PTPN13: variants seen among roughly 807,000 people sequenced by gnomAD.
The protein encoded by PTPN13 is protein tyrosine phosphatase non-receptor type 13, also known as tyrosine-protein phosphatase non-receptor type 13.
A neutral mutation model predicts 284.0 loss-of-function variants in PTPN13; 191 were observed. The ratio of observed to expected loss-of-function variants is 0.67; its 90% CI spans 0.60 to 0.76. The LOEUF (loss-of-function observed/expected upper bound fraction) is 0.76, where lower values mean the gene tolerates loss of function less well. Ranked by LOEUF, PTPN13 falls within the 30% of genes least tolerant of loss-of-function variation. The pLI is 0.00. For synonymous variants in PTPN13, 986 were observed against 1,022.3 expected (o/e 0.96, Z 0.68); for missense variants, 2,797 against 2,939.9 (o/e 0.95, Z 1.12).
chr4:86,774,454 G>A lies in PTPN13; in HGVS notation c.5431G>A (p.Gly1811Ser), dbSNP rs555652447. Residue 1811 changes from glycine (G) to serine (S), a missense_variant, in exon 33 of 48, where the codon GGT becomes AGT. Coordinates refer to ENST00000411767, the MANE Select transcript of PTPN13 (RefSeq NM_080683.3). The part of the protein sequence containing the change: ...FTVTKGNQRI[G>S]CYVHDVIQDP... ...AGTAACCAAAGGCAATCAGAGAATT[G>A]GTTGTTATGTTCATGATGTCATACA... 2 of 1,605,376 alleles carry A rather than the reference G, an allele frequency of 1.2e-6. No homozygotes were observed. Among genetic ancestry groups the A allele is most frequent in the African/African-American group, 2.7e-5 (2 of 74,934 alleles).
At chr4:86,613,258 T>G (rs1181052610) in intron 1 of PTPN13, among the ~76,000 whole-genome samples, 2 of 152,224 alleles carry the variant, frequency 1.3e-5, no homozygotes, top group African/African-American at 2.4e-5. Flanking sequence ...AAATTCCAGA[T>G]TCCCATAAGG....
At chr4:86,778,458 G>A (rs543076412) in intron 35 of PTPN13, among the ~76,000 whole-genome samples, 3 of 149,840 alleles carry the variant, frequency 2.0e-5, no homozygotes, top group Non-Finnish European at 4.4e-5. Flanking sequence ...ACCTCCCCCC[G>A]CCCACCCAGG....
At chr4:86,694,980 A>G (rs1263043079) in intron 6 of PTPN13, among the ~76,000 whole-genome samples, 2 of 152,176 alleles carry the variant, frequency 1.3e-5, no homozygotes, top group African/African-American at 4.8e-5. Context: ...AATTGTGAAA[A>G]ATAAATGTAG....
chr4:86,742,960 T>C (rs959117286), intron 16 of PTPN13, among the ~76,000 whole-genome samples: 2 of 152,228 alleles, frequency 1.3e-5, no homozygotes, highest in Non-Finnish European at 2.9e-5. Flanking sequence ...GAATAGAGAA[T>C]AGTTTGCATT....
Position 86,758,715 on chromosome 4 carries a change from G to A in PTPN13, c.3351G>A (p.Leu1117=), listed in dbSNP as rs1337993788. The part of the protein sequence containing the change: ...QIIGGEKMGR[L]DLGIFISSVA... ...TTGGTGGGGAGAAGATGGGAAGACT[G>A]GACCTAGGCATATTTATCAGTTCAG... The change falls in exon 22 of 48, where the codon CTG becomes CTA. Residue 1117 remains leucine (L), a synonymous_variant. Transcript: ENST00000411767. 2 of 1,613,768 alleles carry A rather than the reference G, an allele frequency of 1.2e-6. No individual in the cohort carries two copies. Among genetic ancestry groups the A allele is most frequent in the Admixed American group, 3.3e-5 (2 of 60,002 alleles).
At chr4:86,808,214 T>A (rs1196567377) in intron 45 of PTPN13, among the ~76,000 whole-genome samples, 5 of 152,226 alleles carry the variant, frequency 3.3e-5, no homozygotes, top group African/African-American at 1.2e-4. Context: ...GAAACTTGTG[T>A]TTTTATGGTC....
At chr4:86,740,069 G>A (rs1735995981) in intron 15 of PTPN13, among the ~76,000 whole-genome samples, 1 of 152,172 alleles carries the variant, frequency 6.6e-6, no homozygotes, top group Non-Finnish European at 1.5e-5. Flanking sequence ...TCATGGGCTG[G>A]TGTTGAGTAT....
At chr4:86,780,974 G>A (rs955074026) in intron 36 of PTPN13, among the ~76,000 whole-genome samples, 8 of 152,130 alleles carry the variant, frequency 5.3e-5, no homozygotes, top group Non-Finnish European at 7.4e-5. Context: ...AAGCATTTAG[G>A]GGAACAGGAG....
chr4:86,651,873 T>C (rs1193314815), intron 2 of PTPN13, among the ~76,000 whole-genome samples: 2 of 152,182 alleles, frequency 1.3e-5, no homozygotes, highest in African/African-American at 4.8e-5. Flanking sequence ...TTGTCTCTTT[T>C]TTTCTTACCT....
At chr4:86,767,363 G>C (rs913233655) in intron 27 of PTPN13, among the ~76,000 whole-genome samples, 2 of 151,120 alleles carry the variant, frequency 1.3e-5, no homozygotes, top group Non-Finnish European at 2.9e-5. Flanking sequence ...CTCCTGCCTC[G>C]GCCTGTCAAG....
intron 3 of PTPN13, among the ~76,000 whole-genome samples, chr4:86,682,986 T>A (rs1405517625): frequency 6.6e-6 from 1 of 152,232 alleles, no homozygotes; most frequent in Admixed American, 6.5e-5. Flanking sequence ...AATGTATTTT[T>A]AATTATGATT....
chr4:86,776,024 C>G (rs1433321809), intron 35 of PTPN13, among the ~76,000 whole-genome samples: 1 of 152,200 alleles, frequency 6.6e-6, no homozygotes, highest in Admixed American at 6.5e-5. Context: ...TGGCTCACTG[C>G]AACCTCCGCC....
chr4:86,720,560 A>G (rs1733539796), intron 9 of PTPN13, among the ~76,000 whole-genome samples: 3 of 152,274 alleles, frequency 2.0e-5, no homozygotes, highest in East Asian at 1.9e-4. Context: ...AACTAGTTCC[A>G]TCTTTTTTCT....
intron 40 of PTPN13, among the ~76,000 whole-genome samples, chr4:86,792,976 A>C (rs770038354): frequency 6.6e-6 from 1 of 152,238 alleles, no homozygotes; most frequent in East Asian, 1.9e-4. Context: ...ACGAGCTAAC[A>C]TCATAATGAC....
At chr4:86,625,213 C>G (rs1442880111) in intron 1 of PTPN13, among the ~76,000 whole-genome samples, 1 of 152,094 alleles carries the variant, frequency 6.6e-6, no homozygotes, top group African/African-American at 2.4e-5. Flanking sequence ...TGGTATTTAC[C>G]ACTTAGCTTC....
intron 1 of PTPN13, among the ~76,000 whole-genome samples, chr4:86,611,370 G>C (rs1296089476): frequency 1.3e-5 from 2 of 152,148 alleles, no homozygotes; most frequent in Non-Finnish European, 2.9e-5. Flanking sequence ...ATCTAGAGGG[G>C]TGATCTCATA....
At chr4:86,679,472 A>G (rs915235095) in intron 3 of PTPN13, among the ~76,000 whole-genome samples, 9 of 152,158 alleles carry the variant, frequency 5.9e-5, no homozygotes, top group Non-Finnish European at 4.4e-5. Flanking sequence ...TTAGAAAAGC[A>G]AGTTCTTAGG....
intron 17 of PTPN13, among the ~76,000 whole-genome samples, chr4:86,746,721 C>T (rs532098017): frequency 1.3e-5 from 2 of 152,144 alleles, no homozygotes; most frequent in African/African-American, 4.8e-5. Context: ...CAACATTCGC[C>T]TTCTGGTTTC....
At chr4:86,633,219 G>A (rs533171638) in intron 1 of PTPN13, among the ~76,000 whole-genome samples, 2 of 152,226 alleles carry the variant, frequency 1.3e-5, no homozygotes, top group Non-Finnish European at 2.9e-5. Context: ...ATAGGTCCAA[G>A]CTGGCCCTCT....
Sources: allele counts gnomAD v4.1 joint callset (sites outside exome capture counted in the v4.1 genomes callset), GRCh38; gene constraint gnomAD v4.1.1; transcripts MANE v1.5; gene names NCBI Gene and HGNC (gene_info 2026-07-23, HGNC 2026-07-21).